The following TMEM108 variants were observed in gnomAD, a reference collection of about 807,000 sequenced individuals.
The protein encoded by TMEM108 is transmembrane protein 108.
In TMEM108, 12 loss-of-function variants were observed where a neutral mutation model predicts 35.1. The observed-to-expected ratio is 0.34, with a 90% CI of 0.22 to 0.55. The LOEUF is 0.55. Among genes scored for constraint, TMEM108 ranks in the 20% least tolerant of loss-of-function variants. TMEM108 has a pLI of 0.89. For missense variants in TMEM108, 680 were observed against 753.3 expected (o/e 0.90, Z 1.14); for synonymous variants, 287 against 308.6 (o/e 0.93, Z 0.73).
chr3:133,221,248 G>A (rs895410034), intron 2 of TMEM108, among the ~76,000 whole-genome samples: 1 of 152,056 alleles, frequency 6.6e-6, no homozygotes, highest in African/African-American at 2.4e-5. Flanking sequence ...TGATTTTTCT[G>A]GTGACCAGCC....
chr3:133,225,690 G>A (rs1259736135), intron 2 of TMEM108, among the ~76,000 whole-genome samples: 1 of 58,592 alleles, frequency 1.7e-5, no homozygotes, highest in African/African-American at 8.6e-5. Context: ...ATTTTGGAGG[G>A]GGGTAAAAAA....
chr3:133,206,942 G>T (rs1576382647), intron 2 of TMEM108, among the ~76,000 whole-genome samples: 1 of 152,198 alleles, frequency 6.6e-6, no homozygotes, highest in East Asian at 1.9e-4. Context: ...AGGGAGATGG[G>T]AATTTTATCT....
intron 2 of TMEM108, among the ~76,000 whole-genome samples, chr3:133,143,703 C>G (rs1274015195): frequency 1.3e-5 from 2 of 152,130 alleles, no homozygotes; most frequent in Admixed American, 6.5e-5. Flanking sequence ...GATTCTAAAT[C>G]TGCTGCACTG....
rs1258822017 is a variant in TMEM108, at chr3:133,380,204, C to A, written c.493C>A (p.Pro165Thr). The part of the protein sequence containing the change: ...TAPPRTTTRR[P>T]PRPPGSSRKG... Reference sequence around the variant, plus strand: ...GCCCCCCCGCACTACCACACGCAGGCCCCCCAGGCCCCCAGGCTCTTCCCG... The same window carrying A: ...GCCCCCCCGCACTACCACACGCAGGACCCCCAGGCCCCCAGGCTCTTCCCG... The change falls in exon 4 of 6, where the codon CCC becomes ACC. Residue 165 changes from proline (P) to threonine (T), a missense_variant. Around this residue, in one of 3 missense-constraint regions of TMEM108, gnomAD observed 526 missense variants for 532.1 expected, o/e 0.99. Transcript: ENST00000321871. The surrounding 1 kb of genome is among the most constrained non-coding windows in gnomAD (Gnocchi z 5.3). 6.2e-7 allele frequency: 1 copy of A among 1,610,112 alleles called. No individual in the cohort carries two copies.
intron 2 of TMEM108, among the ~76,000 whole-genome samples, chr3:133,193,488 A>G (rs1945530082): frequency 6.6e-6 from 1 of 152,152 alleles, no homozygotes; most frequent in Admixed American, 6.6e-5. Flanking sequence ...TGAGCTTAGC[A>G]AAGTCCTGAG....
chr3:133,372,087 A>G lies in TMEM108; in HGVS notation c.41-7665A>G, dbSNP rs189198119. Among the ~76,000 whole-genome samples the G allele has an allele frequency of 1.9e-3, 283 of 152,364 alleles. 2 individuals carry two copies. Among genetic ancestry groups the G allele is most frequent in the African/African-American group, 6.6e-3 (275 of 41,586 alleles). ...AAGTTGAATCAAATGACTAAGGCAA[A>G]AAAGCTAAAGCTGAAGATTAAAGGC... On this transcript the variant is annotated intron_variant, in intron 3 of 5. Coordinates refer to ENST00000321871, the MANE Select transcript of TMEM108 (RefSeq NM_023943.4).
At chr3:133,057,137 T>C (rs1943474796) in intron 2 of TMEM108, among the ~76,000 whole-genome samples, 1 of 152,144 alleles carries the variant, frequency 6.6e-6, no homozygotes, top group Non-Finnish European at 1.5e-5. Context: ...CCCTCGTCTG[T>C]CAGCTACAAG....
At chr3:133,309,218 C>T (rs1205980100) in intron 3 of TMEM108, among the ~76,000 whole-genome samples, 1 of 152,088 alleles carries the variant, frequency 6.6e-6, no homozygotes, top group East Asian at 1.9e-4. Flanking sequence ...TCCCCTTTGT[C>T]ATTTTTTATT....
At chr3:133,055,292 TG>T (rs1374572831) in intron 2 of TMEM108, among the ~76,000 whole-genome samples, 25 of 152,308 alleles carry the variant, frequency 1.6e-4, no homozygotes, top group African/African-American at 5.5e-4. Context: ...ACAGTATAAG[TG>T]AAAGATTAAC....
chr3:133,302,672 G>A (rs538386307), intron 3 of TMEM108, among the ~76,000 whole-genome samples: 3 of 151,906 alleles, frequency 2.0e-5, no homozygotes, highest in East Asian at 1.9e-4. Context: ...CTCCCGCCTC[G>A]GCCTCCCAAA....
intron 2 of TMEM108, among the ~76,000 whole-genome samples, chr3:133,073,508 C>CTATATATATATA (rs1273905276): frequency 1.4e-5 from 1 of 68,984 alleles, no homozygotes; most frequent in African/African-American, 7.2e-5. Context: ...CTCTCTCTCT[C>CTATATATATATA]TCTATATATA....
intron 2 of TMEM108, among the ~76,000 whole-genome samples, chr3:133,218,943 T>A (rs76315160): frequency 0.015 from 2,278 of 152,050 alleles, 75 homozygotes; most frequent in African/African-American, 0.051. Context: ...TTTGGAAGAG[T>A]TTGAGAAGGA....
chr3:133,261,919 A>G (rs1329057235), intron 3 of TMEM108, among the ~76,000 whole-genome samples: 1 of 152,226 alleles, frequency 6.6e-6, no homozygotes, highest in Non-Finnish European at 1.5e-5. Context: ...GTTGTCAGCT[A>G]CTTCATGTCC....
intron 2 of TMEM108, among the ~76,000 whole-genome samples, chr3:133,223,654 G>T (rs114991025): frequency 0.012 from 1,895 of 152,184 alleles, 15 homozygotes; most frequent in South Asian, 0.025. Flanking sequence ...CCAAAGCAGC[G>T]CAATTGACCC....
intron 2 of TMEM108, among the ~76,000 whole-genome samples, chr3:133,177,054 T>G (rs1455305420): frequency 6.6e-6 from 1 of 151,928 alleles, no homozygotes; most frequent in East Asian, 1.9e-4. Flanking sequence ...ACAAATAAAC[T>G]AGAAAATCTA....
At chr3:133,150,799 G>A (rs1238545848) in intron 2 of TMEM108, among the ~76,000 whole-genome samples, 1 of 152,092 alleles carries the variant, frequency 6.6e-6, no homozygotes, top group African/African-American at 2.4e-5. Flanking sequence ...GATCCAATAA[G>A]TACAAGATGG....
chr3:133,153,442 T>A (rs1373662879), intron 2 of TMEM108, among the ~76,000 whole-genome samples: 1 of 152,176 alleles, frequency 6.6e-6, no homozygotes, highest in Non-Finnish European at 1.5e-5. Flanking sequence ...AACATCCCTA[T>A]GAAATAAGTA....
chr3:133,293,439 A>G (rs890057592), intron 3 of TMEM108, among the ~76,000 whole-genome samples: 1 of 151,052 alleles, frequency 6.6e-6, no homozygotes, highest in African/African-American at 2.4e-5. Context: ...TTGGGAATTA[A>G]ATTGTTGGCT....
At chr3:133,228,000 A>G (rs753677215) in intron 2 of TMEM108, among the ~76,000 whole-genome samples, 59 of 152,220 alleles carry the variant, frequency 3.9e-4, no homozygotes, top group Non-Finnish European at 6.5e-4. Context: ...CATAGAGACA[A>G]TAGATTAATG....
Sources: allele counts gnomAD v4.1 joint callset (sites outside exome capture counted in the v4.1 genomes callset), GRCh38; gene constraint gnomAD v4.1.1; regional missense constraint gnomAD v4.1.1; non-coding constraint Gnocchi (gnomAD v3.1); transcripts MANE v1.5; gene names NCBI Gene and HGNC (gene_info 2026-07-23, HGNC 2026-07-21).